PLA2R1: variants seen among roughly 807,000 people sequenced by gnomAD.
PLA2R1 encodes secretory phospholipase A2 receptor.
Under a neutral mutation model 195.9 loss-of-function variants are expected in PLA2R1, and 158 were observed. The observed-to-expected ratio is 0.81, with a 90% CI of 0.71 to 0.92. The LOEUF (loss-of-function observed/expected upper bound fraction) is 0.92, where lower values mean the gene tolerates loss of function less well. PLA2R1 is among the 40% of genes least tolerant of loss of function. The probability of loss-of-function intolerance (pLI) is 0.00; values close to 1 mark genes in which losing one functional copy is unlikely to be tolerated. For missense variants in PLA2R1, 1,626 were observed against 1,764.6 expected, an observed-to-expected ratio of 0.92 and a Z score of 1.41; for synonymous variants, 586 against 598.2, an observed-to-expected ratio of 0.98 and a Z score of 0.30.
chr2:159,976,014 G>A, intron 17 of PLA2R1, 54 bp downstream of exon 17: 1 of 1,357,526 alleles, frequency 7.4e-7, no homozygotes, highest in Admixed American at 1.9e-5. Flanking sequence ...CCCTCCCAAG[G>A]GCAAAAGAAG....
In PLA2R1 at chr2:159,935,031, T is replaced by A. The variant is rs1438711811; in HGVS notation, c.*6747A>T. On this transcript the variant is annotated 3_prime_UTR_variant, in exon 30 of 30. Coordinates refer to ENST00000283243, the MANE Select transcript of PLA2R1 (RefSeq NM_007366.5). The stretch of plus-strand genomic sequence containing the variant: ...ACTTTTGAAGTGATCATTTATCTTG[T>A]GGAATGTCCCTCAACTTGGATTTGT... 1 of 152,208 alleles carries A rather than the reference T, an allele frequency of 6.6e-6. No homozygotes were observed. The highest frequency in any genetic ancestry group is 1.5e-5 in the Non-Finnish European group (1 of 68,042). The allele number at this position is 152,208 out of a possible 1,614,324, so 9.4% of individuals were successfully genotyped here.
rs1434240788 is a variant in PLA2R1, at chr2:160,001,251, TTTG to T, written c.1834+4398_1834+4400del. Among the ~76,000 whole-genome samples, 17 of 152,208 alleles carry T rather than the reference TTTG, an allele frequency of 1.1e-4. No individual in the cohort carries two copies. The East Asian group carries it at 2.5e-3, about 22-fold the overall frequency. On this transcript the variant is annotated intron_variant, in intron 11 of 29. Transcript: ENST00000283243. ...GATGAATAACTTTGATATTGTTGAT[TTTG>T]TTAAGAATGCATGTTGAATAGCTAG...
At position 159,987,356 on chromosome 2, in the gene PLA2R1, A is replaced by G; in HGVS notation, c.1837T>C (p.Tyr613His). The G allele has an allele frequency of 6.2e-7, 1 of 1,608,210 alleles. No homozygotes were observed. The highest frequency in any genetic ancestry group is 8.5e-7 in the Non-Finnish European group (1 of 1,177,590). The change falls in exon 12 of 30, where the codon TAC (tyrosine) becomes CAC (histidine). Residue 613 changes from tyrosine to histidine, a missense_variant and splice_region_variant. Coordinates refer to ENST00000283243, the MANE Select transcript of PLA2R1 (RefSeq NM_007366.5). ...YTHWNTHQPRYSGGCVAMRGR... is the reference protein window; with the variant it reads ...YTHWNTHQPRHSGGCVAMRGR... ...CGCATGGCAACACAGCCACCACTGTAGCCTAAAAGCAGAAAACAAGCATTT... is the reference window on the plus strand; with the variant it reads ...CGCATGGCAACACAGCCACCACTGTGGCCTAAAAGCAGAAAACAAGCATTT...
chr2:160,056,287 T>C (rs1573992018), intron 1 of PLA2R1, among the ~76,000 whole-genome samples: 1 of 152,360 alleles, frequency 6.6e-6, no homozygotes, highest in East Asian at 1.9e-4. Flanking sequence ...TGTAGACCTA[T>C]ATGCTGTGGG....
At chr2:160,041,495 A>C (rs1030517509) in intron 3 of PLA2R1, among the ~76,000 whole-genome samples, 1 of 152,226 alleles carries the variant, frequency 6.6e-6, no homozygotes, top group African/African-American at 2.4e-5. Context: ...CCAGAAGGTA[A>C]ATAGTAGGAA....
At position 159,932,041 on chromosome 2, in the gene PLA2R1, A is replaced by G. The variant is rs971350035; in HGVS notation, c.*9737T>C. On this transcript the variant is annotated 3_prime_UTR_variant, in exon 30 of 30. Transcript: ENST00000283243. Reference sequence around the variant, plus strand: ...AGTGTAACGTTAACTTTACTTATTAATATGCAATTACAGATTATCTTCTAA... The same window carrying G: ...AGTGTAACGTTAACTTTACTTATTAGTATGCAATTACAGATTATCTTCTAA... The G allele has an allele frequency of 1.3e-5, 2 of 152,222 alleles. No individual in the cohort carries two copies. Among genetic ancestry groups the G allele is most frequent in the Non-Finnish European group, 2.9e-5 (2 of 68,040 alleles). 9.4% of individuals were successfully genotyped at this position (152,222 alleles called of 1,614,324 possible). A position where few individuals can be genotyped will look rare whatever the true frequency, so the allele number is the denominator to read the frequency against.
intron 1 of PLA2R1, among the ~76,000 whole-genome samples, chr2:160,052,740 C>G (rs1695288516): frequency 6.6e-6 from 1 of 152,076 alleles, no homozygotes; most frequent in South Asian, 2.1e-4. Flanking sequence ...GATTCAAAGA[C>G]TGGGTCACAA....
chr2:159,975,483 C>T (rs1689480025), intron 17 of PLA2R1, among the ~76,000 whole-genome samples: 1 of 151,888 alleles, frequency 6.6e-6, no homozygotes, highest in African/African-American at 2.4e-5. Flanking sequence ...GAAAACTACT[C>T]CTTACTATTT....
intron 11 of PLA2R1, among the ~76,000 whole-genome samples, chr2:160,002,031 T>C (rs1437897614): frequency 2.0e-5 from 3 of 151,554 alleles, no homozygotes; most frequent in Admixed American, 1.3e-4. Flanking sequence ...ATGGGATATA[T>C]ATATATAAAA....
At chr2:160,032,822 G>A in intron 4 of PLA2R1, 137 bp downstream of exon 4, 1 of 677,402 alleles carries the variant, frequency 1.5e-6, no homozygotes, top group Non-Finnish European at 2.4e-6. Context: ...AATTTTGGGT[G>A]AGAGTTTTGG....
At chr2:160,022,966 A>G in intron 6 of PLA2R1, 107 bp from the exon 7 acceptor site, 2 of 742,814 alleles carry the variant, frequency 2.7e-6, no homozygotes, top group South Asian at 3.9e-5. Flanking sequence ...AAATGTGAAA[A>G]ACAGAAATAT....
intron 17 of PLA2R1, among the ~76,000 whole-genome samples, chr2:159,971,854 C>T (rs1357813563): frequency 6.6e-6 from 1 of 152,134 alleles, no homozygotes; most frequent in African/African-American, 2.4e-5. Flanking sequence ...CTGTAAACAG[C>T]ATGGCTATTT....
rs187530332 is a variant in PLA2R1, at chr2:159,989,387, G to C, written c.1835-2029C>G. On this transcript the variant is annotated intron_variant, in intron 11 of 29. Transcript: ENST00000283243. ...GAAGCCCCAAATGCAATATACTTGTGGAGCTGCTCTAGTTGAAAGAGAAGG... is the reference window on the plus strand; with the variant it reads ...GAAGCCCCAAATGCAATATACTTGTCGAGCTGCTCTAGTTGAAAGAGAAGG... Among the ~76,000 whole-genome samples the C allele has an allele frequency of 2.6e-5, 4 of 152,286 alleles. No homozygotes were observed. In the East Asian group the frequency reaches 7.7e-4, roughly 29 times the overall value.
At chr2:159,992,956 G>T (rs893570204) in intron 11 of PLA2R1, among the ~76,000 whole-genome samples, 1 of 152,114 alleles carries the variant, frequency 6.6e-6, no homozygotes, top group Admixed American at 6.6e-5. Flanking sequence ...CTGAGTTATG[G>T]AGGGCTGCAA....
At chr2:159,998,226 C>A (rs1691356847) in intron 11 of PLA2R1, among the ~76,000 whole-genome samples, 1 of 152,092 alleles carries the variant, frequency 6.6e-6, no homozygotes. Context: ...TAGGTAAAAT[C>A]CTGCAAATTA....
intron 20 of PLA2R1, among the ~76,000 whole-genome samples, chr2:159,957,757 A>G (rs986810170): frequency 3.3e-5 from 5 of 152,190 alleles, no homozygotes; most frequent in Non-Finnish European, 7.3e-5. Context: ...AGTTCGATGA[A>G]ATTTAAGAAT....
At chr2:160,059,445 A>G (rs1294510682) in intron 1 of PLA2R1, among the ~76,000 whole-genome samples, 4 of 152,216 alleles carry the variant, frequency 2.6e-5, no homozygotes, top group Admixed American at 2.6e-4. Context: ...CAGCAAAAGG[A>G]CAACACTTAG....
chr2:160,047,556 A>C (rs900717076), intron 1 of PLA2R1, among the ~76,000 whole-genome samples: 17 of 152,206 alleles, frequency 1.1e-4, no homozygotes, highest in Non-Finnish European at 2.2e-4. Flanking sequence ...ACACCACGCT[A>C]TCATCTTTTA....
At chr2:160,019,815 T>C (rs1207377101) in intron 8 of PLA2R1, among the ~76,000 whole-genome samples, 4 of 152,206 alleles carry the variant, frequency 2.6e-5, no homozygotes, top group Non-Finnish European at 2.9e-5. Context: ...CTGAGAGTTT[T>C]TTTTTAAGTC....
Sources: allele counts gnomAD v4.1 joint callset (sites outside exome capture counted in the v4.1 genomes callset), GRCh38; gene constraint gnomAD v4.1.1; transcripts MANE v1.5; gene names NCBI Gene and HGNC (gene_info 2026-07-23, HGNC 2026-07-21).